The following HS6ST2 variants were observed in gnomAD, a reference collection of about 807,000 sequenced individuals.
The protein encoded by HS6ST2 is heparan sulfate 6-O-sulfotransferase 2.
Under a neutral mutation model 33.0 loss-of-function variants are expected in HS6ST2, and 17 were observed. The observed-to-expected ratio is 0.52, with a 90% CI of 0.35 to 0.77. HS6ST2 has a LOEUF of 0.77. Ranked by LOEUF, HS6ST2 falls within the 30% of genes least tolerant of loss-of-function variation. The pLI, the probability that HS6ST2 is intolerant of heterozygous loss-of-function variation, is 0.01. For synonymous variants in HS6ST2, 248 were observed against 237.1 expected, an observed-to-expected ratio of 1.05 and a Z score of -0.42; for missense variants, 519 against 551.7, an observed-to-expected ratio of 0.94 and a Z score of 0.59.
chrX:132,765,493 G>A (rs2148314609), intron 2 of HS6ST2, among the ~76,000 whole-genome samples: 1 of 111,471 alleles, frequency 9.0e-6, no homozygotes, highest in South Asian at 3.8e-4. Flanking sequence ...GTCTTGCACT[G>A]TCTCCCAGAC....
intron 2 of HS6ST2, among the ~76,000 whole-genome samples, chrX:132,715,562 G>A (rs1208594167): frequency 8.9e-6 from 1 of 112,304 alleles, no homozygotes; most frequent in South Asian, 3.7e-4. Flanking sequence ...CTTTGAGAGG[G>A]CAGGGACTTG....
At chrX:132,726,134 T>C (rs2064389565) in intron 2 of HS6ST2, among the ~76,000 whole-genome samples, 1 of 91,975 alleles carries the variant, frequency 1.1e-5, no homozygotes, top group African/African-American at 4.3e-5. Flanking sequence ...AATAATAATT[T>C]AATTGTACCC....
intron 4 of HS6ST2, 138 bp downstream of exon 4, chrX:132,668,975 A>C (rs962118427): frequency 1.1e-5 from 5 of 440,756 alleles, no homozygotes; most frequent in Non-Finnish European, 2.0e-5. Context: ...TCAATTCCCC[A>C]GTGACGAGCC....
chrX:132,780,951 T>C (rs191205985), intron 2 of HS6ST2, among the ~76,000 whole-genome samples: 38 of 108,625 alleles, frequency 3.5e-4, no homozygotes, highest in African/African-American at 1.3e-3. Flanking sequence ...ATCCACCATA[T>C]ACCTACAATC....
At chrX:132,955,564 G>A (rs1245384136) in intron 2 of HS6ST2, among the ~76,000 whole-genome samples, 3 of 111,765 alleles carry the variant, frequency 2.7e-5, no homozygotes, top group East Asian at 2.8e-4. Flanking sequence ...AAGTGCACCC[G>A]GGGGATGGGG....
At position 132,727,694 on chromosome X, in the gene HS6ST2, AT is replaced by A. The variant is rs1249258384; in HGVS notation, c.948-19201del. On this transcript the variant is annotated intron_variant, in intron 2 of 4. Transcript: ENST00000370833. ...AAAATGAACCATTTTAAAGTGTGTA[AT>A]TCAGTGGAATTTAGTACATGTTGTG... 4.5e-5 allele frequency among the ~76,000 whole-genome samples: 5 copies of A among 111,558 alleles called. No individual in the cohort carries two copies. In the East Asian group the frequency reaches 1.4e-3, roughly 31 times the overall value.
intron 2 of HS6ST2, among the ~76,000 whole-genome samples, chrX:132,712,013 T>G (rs973916203): frequency 4.5e-5 from 5 of 111,576 alleles, no homozygotes; most frequent in African/African-American, 1.3e-4. Context: ...GAGAAGGAAG[T>G]TGTTAAGAAA....
chrX:132,642,824 A>G (rs2063611614), intron 4 of HS6ST2, among the ~76,000 whole-genome samples: 2 of 112,483 alleles, frequency 1.8e-5, no homozygotes, highest in African/African-American at 6.5e-5. Flanking sequence ...GGTTATGTTA[A>G]TGCTGAAACT....
chrX:132,761,882 C>T (rs1435563631), intron 2 of HS6ST2, among the ~76,000 whole-genome samples: 1 of 111,768 alleles, frequency 8.9e-6, no homozygotes, highest in Non-Finnish European at 1.9e-5. Flanking sequence ...TATGGATCCA[C>T]AAGGTAATTC....
At chrX:132,722,811 T>C in intron 2 of HS6ST2, among the ~76,000 whole-genome samples, 1 of 108,105 alleles carries the variant, frequency 9.3e-6, no homozygotes, top group Non-Finnish European at 1.9e-5. Flanking sequence ...CATTGTGCTG[T>C]GAAGGTGATT....
At chrX:132,839,970 A>G (rs1362895717) in intron 2 of HS6ST2, among the ~76,000 whole-genome samples, 1 of 110,761 alleles carries the variant, frequency 9.0e-6, no homozygotes, top group Non-Finnish European at 1.9e-5. Context: ...TACAAAAATT[A>G]GCCAGGCATG....
In HS6ST2 at chrX:132,931,128, C is replaced by A. The variant is rs764265800; in HGVS notation, c.947+25680G>T. Among the ~76,000 whole-genome samples the A allele has an allele frequency of 1.2e-4, 13 of 111,707 alleles. No homozygotes were observed. The South Asian group carries it at 2.3e-3, about 20-fold the overall frequency. Reference sequence around the variant, plus strand: ...TAAGGAAAGATTTATTCAAGGAAGTCTACTAACCTTTGGTAGAAAGAGGGA... The same window carrying A: ...TAAGGAAAGATTTATTCAAGGAAGTATACTAACCTTTGGTAGAAAGAGGGA... On this transcript the variant is annotated intron_variant, in intron 2 of 4. Transcript: ENST00000370833.
At chrX:132,683,080 C>T (rs987577588) in intron 3 of HS6ST2, among the ~76,000 whole-genome samples, 1 of 111,409 alleles carries the variant, frequency 9.0e-6, no homozygotes, top group African/African-American at 3.3e-5. Context: ...CACCACTGCA[C>T]TCCAGCCTGG....
chrX:132,863,362 C>G (rs1328361220), intron 2 of HS6ST2, among the ~76,000 whole-genome samples: 1 of 111,673 alleles, frequency 9.0e-6, no homozygotes, highest in Non-Finnish European at 1.9e-5. Context: ...CGCTGTTGCC[C>G]AGGCTCAAGG....
intron 2 of HS6ST2, among the ~76,000 whole-genome samples, chrX:132,837,665 A>G (rs1337835493): frequency 8.9e-6 from 1 of 111,852 alleles, no homozygotes; most frequent in African/African-American, 3.3e-5. Context: ...TTTACAGAGT[A>G]GAATTTGGGA....
At chrX:132,815,795 T>C (rs1438935432) in intron 2 of HS6ST2, among the ~76,000 whole-genome samples, 1 of 111,461 alleles carries the variant, frequency 9.0e-6, no homozygotes, top group Non-Finnish European at 1.9e-5. Context: ...TACTGTGTTT[T>C]AGTCAAATTT....
chrX:132,937,197 A>T (rs1424540863), intron 2 of HS6ST2, among the ~76,000 whole-genome samples: 2 of 112,126 alleles, frequency 1.8e-5, no homozygotes, highest in Non-Finnish European at 3.8e-5. Context: ...AAATTGAAGA[A>T]GACACAAAAA....
chrX:132,726,846 C>G (rs1602615752), intron 2 of HS6ST2, among the ~76,000 whole-genome samples: 1 of 111,383 alleles, frequency 9.0e-6, no homozygotes, highest in East Asian at 2.8e-4. Context: ...GTACTTCATT[C>G]CATTTCATGG....
intron 2 of HS6ST2, among the ~76,000 whole-genome samples, chrX:132,867,725 C>T (rs920897105): frequency 2.7e-5 from 3 of 111,626 alleles, no homozygotes; most frequent in African/African-American, 6.5e-5. Context: ...CCTTTACAGA[C>T]GAGCAAATGC....
Sources: gnomAD v4.1 joint callset for allele counts (sites outside exome capture counted in the v4.1 genomes callset) on GRCh38, gnomAD v4.1.1 for gene constraint, MANE v1.5 for transcripts, NCBI Gene and HGNC (gene_info 2026-07-23, HGNC 2026-07-21) for gene names.